The following MBD5 variants were observed in gnomAD, a reference collection of about 807,000 sequenced individuals.
MBD5 encodes the protein methyl-CpG-binding domain protein 5.
A neutral mutation model predicts 117.3 loss-of-function variants in MBD5; 13 were observed. The observed-to-expected ratio is 0.11, with a 90% confidence interval of 0.07 to 0.18. The LOEUF (loss-of-function observed/expected upper bound fraction) is 0.18, where lower values mean the gene tolerates loss of function less well. Ranked by LOEUF, MBD5 falls within the 10% of genes least tolerant of loss-of-function variation. The pLI, the probability that MBD5 is intolerant of heterozygous loss-of-function variation, is 1.00. For synonymous variants in MBD5, 727 were observed against 766.4 expected, an observed-to-expected ratio of 0.95 and a Z score of 0.85; for missense variants, 1,879 against 2,093.8, an observed-to-expected ratio of 0.90 and a Z score of 2.00.
rs371976099 is a variant in MBD5, at chr2:148,397,033, C to T, written c.-557+54697C>T. On this transcript the variant is annotated intron_variant, in intron 4 of 13. Transcript: ENST00000642680. The stretch of plus-strand genomic sequence containing the variant: ...TAAACTCCTTACATTGTCCTGAGGC[C>T]CCACACAGCCATATAATTACTAAGA... Among the ~76,000 whole-genome samples the T allele has an allele frequency of 5.9e-5, 9 of 152,174 alleles. No homozygotes were observed. The South Asian group carries it at 1.7e-3, about 28-fold the overall frequency.
At chr2:148,353,872 T>C (rs1185024187) in intron 4 of MBD5, among the ~76,000 whole-genome samples, 1 of 152,132 alleles carries the variant, frequency 6.6e-6, no homozygotes, top group African/African-American at 2.4e-5. Context: ...TTAGCCACCA[T>C]GCCCATCCTT....
At chr2:148,307,328 AT>A (rs899276543) in intron 3 of MBD5, among the ~76,000 whole-genome samples, 9 of 152,088 alleles carry the variant, frequency 5.9e-5, no homozygotes, top group Non-Finnish European at 1.2e-4. Flanking sequence ...TATGAGCTCT[AT>A]TTTTTTAAAG....
At chr2:148,321,936 TC>T (rs1360778065) in intron 3 of MBD5, among the ~76,000 whole-genome samples, 1 of 152,162 alleles carries the variant, frequency 6.6e-6, no homozygotes, top group African/African-American at 2.4e-5. Context: ...CTCCAAGCTC[TC>T]CAATGGGAAT....
At chr2:148,412,923 T>A (rs1415056891) in intron 4 of MBD5, among the ~76,000 whole-genome samples, 1 of 152,172 alleles carries the variant, frequency 6.6e-6, no homozygotes, top group East Asian at 1.9e-4. Flanking sequence ...TTTGGCTTCC[T>A]GTCTTTCTAT....
At chr2:148,175,740 A>C (rs1698369465) in intron 1 of MBD5, among the ~76,000 whole-genome samples, 1 of 152,216 alleles carries the variant, frequency 6.6e-6, no homozygotes, top group African/African-American at 2.4e-5. Context: ...TGGATAACTT[A>C]TGTAATCTAT....
intron 11 of MBD5, among the ~76,000 whole-genome samples, chr2:148,493,387 C>A (rs1362895133): frequency 6.6e-6 from 1 of 152,208 alleles, no homozygotes; most frequent in Non-Finnish European, 1.5e-5. Context: ...TGACTCCACC[C>A]TACAACATAT....
intron 4 of MBD5, among the ~76,000 whole-genome samples, chr2:148,368,424 T>C (rs1703763828): frequency 6.6e-6 from 1 of 152,080 alleles, no homozygotes; most frequent in Admixed American, 6.6e-5. Flanking sequence ...TGTATACCTA[T>C]GTAACAATCC....
chr2:148,343,543 T>C (rs886830223), intron 4 of MBD5, among the ~76,000 whole-genome samples: 1 of 152,138 alleles, frequency 6.6e-6, no homozygotes, highest in African/African-American at 2.4e-5. Flanking sequence ...AAGCACTTTT[T>C]CTTATGTTTG....
At chr2:148,086,899 T>C (rs1482141169) in intron 1 of MBD5, among the ~76,000 whole-genome samples, 1 of 152,126 alleles carries the variant, frequency 6.6e-6, no homozygotes, top group East Asian at 1.9e-4. Flanking sequence ...ATTTGACCCT[T>C]CTCTATCTCT....
intron 11 of MBD5, among the ~76,000 whole-genome samples, chr2:148,500,155 A>T (rs925118020): frequency 6.6e-6 from 1 of 152,186 alleles, no homozygotes; most frequent in African/African-American, 2.4e-5. Flanking sequence ...CTGGAAAATT[A>T]TTCAAGCATA....
intron 3 of MBD5, among the ~76,000 whole-genome samples, chr2:148,328,486 C>A (rs1185702376): frequency 6.6e-6 from 1 of 152,242 alleles, no homozygotes; most frequent in Non-Finnish European, 1.5e-5. Flanking sequence ...TGCTAGCAAT[C>A]AGCCAGACTC....
chr2:148,490,914 C>A (rs1170094319), intron 11 of MBD5: 4 of 351,564 alleles, frequency 1.1e-5, no homozygotes, highest in Non-Finnish European at 1.6e-5. Context: ...ATTTCATACA[C>A]AGAGGAGGAA....
intron 4 of MBD5, among the ~76,000 whole-genome samples, chr2:148,385,502 A>C (rs971669620): frequency 5.9e-5 from 9 of 152,138 alleles, no homozygotes; most frequent in African/African-American, 2.2e-4. Context: ...ACACTTTTAC[A>C]CTGTTGGTGG....
At chr2:148,080,103 T>A (rs538073432) in intron 1 of MBD5, among the ~76,000 whole-genome samples, 1 of 152,258 alleles carries the variant, frequency 6.6e-6, no homozygotes, top group Non-Finnish European at 1.5e-5. Flanking sequence ...CTTGGTCTTA[T>A]TGTGCAAAGG....
chr2:148,244,165 C>G (rs1700283104), intron 3 of MBD5: 1 of 151,682 alleles, frequency 6.6e-6, no homozygotes, highest in South Asian at 2.1e-4. Context: ...TTTTATAGAA[C>G]AAAATAGGCA....
chr2:148,134,510 C>T (rs1403938165), intron 1 of MBD5, among the ~76,000 whole-genome samples: 1 of 152,190 alleles, frequency 6.6e-6, no homozygotes, highest in Non-Finnish European at 1.5e-5. Flanking sequence ...TATTTCTCCA[C>T]AGTCATCTGA....
intron 1 of MBD5, among the ~76,000 whole-genome samples, chr2:148,042,041 G>A (rs1694374222): frequency 6.6e-6 from 1 of 152,120 alleles, no homozygotes; most frequent in South Asian, 2.1e-4. Flanking sequence ...CTACTTCGTT[G>A]TTTACTATTT....
chr2:148,417,163 C>T (rs1200536552), intron 4 of MBD5, among the ~76,000 whole-genome samples: 2 of 152,140 alleles, frequency 1.3e-5, no homozygotes, highest in Non-Finnish European at 2.9e-5. Flanking sequence ...CACTCTGTCA[C>T]CCAGGCTGGA....
intron 2 of MBD5, among the ~76,000 whole-genome samples, chr2:148,213,211 A>G (rs1360486961): frequency 3.9e-5 from 6 of 152,176 alleles, no homozygotes; most frequent in East Asian, 1.9e-4. Flanking sequence ...TTTTTTCCCT[A>G]TTCTTTAGTA....
Sources: allele counts gnomAD v4.1 joint callset (sites outside exome capture counted in the v4.1 genomes callset), GRCh38; gene constraint gnomAD v4.1.1; transcripts MANE v1.5; gene names NCBI Gene and HGNC (gene_info 2026-07-23, HGNC 2026-07-21).